The following TIAM2 variants were observed in gnomAD, a reference collection of about 807,000 sequenced individuals.
The protein encoded by TIAM2 is rho guanine nucleotide exchange factor TIAM2.
In TIAM2, 80 loss-of-function variants were observed where a neutral mutation model predicts 152.9. That is an observed-to-expected ratio of 0.52 (90% CI 0.44 to 0.63). The LOEUF (loss-of-function observed/expected upper bound fraction) is 0.63, where lower values mean the gene tolerates loss of function less well. TIAM2 is among the 30% of genes least tolerant of loss of function. The pLI is 0.00. For synonymous variants in TIAM2, 804 were observed against 838.0 expected, an observed-to-expected ratio of 0.96 and a Z score of 0.70; for missense variants, 1,965 against 2,120.1, an observed-to-expected ratio of 0.93 and a Z score of 1.44.
In TIAM2 at chr6:155,133,077, G is replaced by A. The variant is rs181131532; in HGVS notation, c.1194+2660G>A. Among the ~76,000 whole-genome samples the A allele has an allele frequency of 1.7e-3, 259 of 152,330 alleles. 1 individual carries two copies. In the East Asian group the frequency reaches 0.023, roughly 14 times the overall value. On this transcript the variant is annotated intron_variant, in intron 4 of 26. Transcript: ENST00000682666. ...AGTTAAAAACAAACCGGTTAGGGCCGGGTGTGGTGGCTCACGCCTGTCATC... is the reference window on the plus strand; with the variant it reads ...AGTTAAAAACAAACCGGTTAGGGCCAGGTGTGGTGGCTCACGCCTGTCATC...
At chr6:155,019,288 T>A (rs1371748282) in intron 1 of TIAM2, among the ~76,000 whole-genome samples, 2 of 151,558 alleles carry the variant, frequency 1.3e-5, no homozygotes, top group East Asian at 3.9e-4. Flanking sequence ...GAGCTGAGAT[T>A]GGGCCACTGC....
At chr6:155,029,623 ATATAAC>A (rs1406813738) in intron 1 of TIAM2, among the ~76,000 whole-genome samples, 4 of 84,704 alleles carry the variant, frequency 4.7e-5, no homozygotes, top group African/African-American at 1.9e-4. Context: ...GTATATATGT[ATATAAC>A]TATATATAGT....
intron 1 of TIAM2, among the ~76,000 whole-genome samples, chr6:155,062,065 C>G (rs866186545): frequency 1.3e-5 from 2 of 151,800 alleles, no homozygotes; most frequent in South Asian, 4.2e-4. Flanking sequence ...GGCTTACCCT[C>G]GCCACCGCCC....
In TIAM2 at chr6:155,240,662, C is replaced by T. The variant is rs11751128; in HGVS notation, c.3301C>T (p.Arg1101Cys). The change falls in exon 16 of 27, where the codon CGC becomes TGC. Residue 1101 changes from arginine to cysteine, a missense_variant. Transcript: ENST00000682666. ...ARHLSDADRL[R>C]KVIQELVDTE... ...CCACCTGTCTGATGCAGACCGCCTC[C>T]GCAAAGTCATCCAGGAGCTTGTGGA... The T allele has an allele frequency of 0.25, 403,062 of 1,613,600 alleles. 55,838 individuals are homozygous for T. The highest frequency in any genetic ancestry group is 0.29 in the Middle Eastern group (1,730 of 6,056).
chr6:155,257,255 ATGGT>A lies in TIAM2; in HGVS notation c.*137_*140del, dbSNP rs1033531307. 7 of 997,202 alleles carry A rather than the reference ATGGT, an allele frequency of 7.0e-6. No individual in the cohort carries two copies. Among genetic ancestry groups the A allele is most frequent in the African/African-American group, 1.6e-5 (1 of 60,860 alleles). The allele number at this position is 997,202 out of a possible 1,614,324, so 61.8% of individuals were successfully genotyped here. A position where few individuals can be genotyped will look rare whatever the true frequency, so the allele number is the denominator to read the frequency against. ...TGTGCAGTATACATTTTCCCACAAA[ATGGT>A]TGTAAAGATTTAAGTTATTTTAATT... On this transcript the variant is annotated 3_prime_UTR_variant, in exon 27 of 27. Coordinates refer to ENST00000682666, the MANE Select transcript of TIAM2 (RefSeq NM_012454.4).
rs775125166 is a variant in TIAM2 at position 155,257,076 on chromosome 6, C to G, written c.5061C>G (p.Val1687=). ...EFSVQSLTSV[V]SEECFYETES... is the part of the protein sequence containing the mutation. The stretch of plus-strand genomic sequence containing the variant: ...GTGTCCAGAGTTTAACATCTGTTGT[C>G]AGTGAGGAGTGTTTTTATGAAACAG... The change falls in exon 27 of 27, where the codon GTC becomes GTG. Residue 1687 remains valine (V), a synonymous_variant. Transcript: ENST00000682666. The G allele has an allele frequency of 6.2e-7, 1 of 1,612,708 alleles. No homozygotes were observed. The highest frequency in any genetic ancestry group is 8.5e-7 in the Non-Finnish European group (1 of 1,179,818).
At chr6:155,211,329 C>T in intron 15 of TIAM2, 22 bp downstream of exon 15, 1 of 1,604,070 alleles carries the variant, frequency 6.2e-7, no homozygotes, top group Non-Finnish European at 8.5e-7. Flanking sequence ...GCCCAAATCG[C>T]AAACCAAGAA....
At chr6:155,043,085 G>C (rs1777084881) in intron 1 of TIAM2, among the ~76,000 whole-genome samples, 1 of 152,166 alleles carries the variant, frequency 6.6e-6, no homozygotes, top group African/African-American at 2.4e-5. Flanking sequence ...CTGTGATGCA[G>C]GTGAGGAAGA....
chr6:154,997,788 G>A (rs1474514740), intron 1 of TIAM2, among the ~76,000 whole-genome samples: 1 of 151,422 alleles, frequency 6.6e-6, no homozygotes, highest in East Asian at 1.9e-4. Flanking sequence ...ACAGACGCGT[G>A]CCACCACACC....
chr6:155,056,167 C>CTTTTTTTTT (rs763205169), intron 1 of TIAM2, among the ~76,000 whole-genome samples: 4 of 98,610 alleles, frequency 4.1e-5, no homozygotes, highest in African/African-American at 9.2e-5. Flanking sequence ...TATTGTTCTT[C>CTTTTTTTTT]TTTTTTTTTT....
At chr6:155,075,958 C>T (rs1777948206) in intron 1 of TIAM2, among the ~76,000 whole-genome samples, 1 of 152,168 alleles carries the variant, frequency 6.6e-6, no homozygotes, top group Admixed American at 6.5e-5. Context: ...AGCGAAGCAA[C>T]AGCATAGCAT....
intron 23 of TIAM2, 105 bp from the exon 24 acceptor site, chr6:155,252,843 G>A (rs945830531): frequency 8.8e-6 from 9 of 1,026,186 alleles, no homozygotes; most frequent in South Asian, 2.9e-5. Context: ...ATGGCTGCTC[G>A]GAGACTCGCC....
chr6:155,050,346 AC>A (rs1473088294), intron 1 of TIAM2, among the ~76,000 whole-genome samples: 2 of 152,192 alleles, frequency 1.3e-5, no homozygotes, highest in African/African-American at 4.8e-5. Flanking sequence ...TAAAATCAAA[AC>A]AATGACTTTG....
At chr6:155,143,721 G>A (rs1779762855) in intron 5 of TIAM2, among the ~76,000 whole-genome samples, 1 of 152,160 alleles carries the variant, frequency 6.6e-6, no homozygotes, top group Admixed American at 6.5e-5. Flanking sequence ...TGTGCTTAAG[G>A]ATGAGGGCTT....
At chr6:155,159,242 A>C (rs1780201922) in intron 7 of TIAM2, among the ~76,000 whole-genome samples, 1 of 152,130 alleles carries the variant, frequency 6.6e-6, no homozygotes, top group African/African-American at 2.4e-5. Context: ...ACTGAGTGAG[A>C]GTGTGGTAGT....
intron 14 of TIAM2, among the ~76,000 whole-genome samples, chr6:155,187,511 T>C (rs891057984): frequency 1.3e-5 from 2 of 150,838 alleles, no homozygotes; most frequent in African/African-American, 4.9e-5. Context: ...AGGGTTTTGC[T>C]GTGGGTGCAC....
chr6:155,208,855 C>G (rs994837376), intron 14 of TIAM2, among the ~76,000 whole-genome samples: 1 of 152,022 alleles, frequency 6.6e-6, no homozygotes, highest in Non-Finnish European at 1.5e-5. Flanking sequence ...CCATCGAGGA[C>G]ACTCTTCCAT....
At chr6:155,228,231 T>C (rs1782315805) in intron 15 of TIAM2, among the ~76,000 whole-genome samples, 1 of 152,162 alleles carries the variant, frequency 6.6e-6, no homozygotes, top group Admixed American at 6.5e-5. Context: ...TGTCCTCAGT[T>C]TTCTGTAGGA....
chr6:155,083,367 A>AAAAAG (rs1554228972), intron 1 of TIAM2, among the ~76,000 whole-genome samples: 11 of 119,222 alleles, frequency 9.2e-5, no homozygotes, highest in East Asian at 6.0e-4. Context: ...AAAAAAAAAA[A>AAAAAG]AGAGAGAGAG....
Sources: allele counts gnomAD v4.1 joint callset (sites outside exome capture counted in the v4.1 genomes callset), GRCh38; gene constraint gnomAD v4.1.1; transcripts MANE v1.5; gene names NCBI Gene and HGNC (gene_info 2026-07-23, HGNC 2026-07-21).